The following CTNNA2 variants were observed in gnomAD, a reference collection of about 807,000 sequenced individuals.
The protein encoded by CTNNA2 is catenin alpha-2.
In CTNNA2, 42 loss-of-function variants were observed where a neutral mutation model predicts 101.0. The observed-to-expected ratio is 0.42, with a 90% CI of 0.32 to 0.54. The LOEUF is 0.54. CTNNA2 is among the 20% of genes least tolerant of loss of function. CTNNA2 has a pLI of 0.14. For synonymous variants in CTNNA2, 450 were observed against 456.4 expected (o/e 0.99, Z 0.18); for missense variants, 871 against 1,223.1 (o/e 0.71, Z 4.29).
intron 3 of CTNNA2, among the ~76,000 whole-genome samples, chr2:79,855,944 A>C (rs1482339668): frequency 6.6e-6 from 1 of 152,216 alleles, no homozygotes; most frequent in Non-Finnish European, 1.5e-5. Context: ...CTCCCACCAC[A>C]CAGATATTTG....
At chr2:79,234,319 G>A (rs1432516321) in intron 2 of CTNNA2, among the ~76,000 whole-genome samples, 1 of 152,062 alleles carries the variant, frequency 6.6e-6, no homozygotes, top group East Asian at 1.9e-4. Context: ...AGGTATGATA[G>A]TCTTGGTTGA....
chr2:79,637,474 C>A (rs567354402), intron 1 of CTNNA2, among the ~76,000 whole-genome samples: 1 of 152,190 alleles, frequency 6.6e-6, no homozygotes, highest in East Asian at 1.9e-4. Context: ...GGCTGATGCC[C>A]ACATGTATTG....
intron 4 of CTNNA2, among the ~76,000 whole-genome samples, chr2:79,497,771 A>G (rs1671274685): frequency 1.3e-5 from 2 of 152,316 alleles, no homozygotes; most frequent in South Asian, 4.1e-4. Context: ...CGTCTAAGCA[A>G]TGTCTCTTTT....
At chr2:79,597,667 G>A (rs1288902991) in intron 1 of CTNNA2, among the ~76,000 whole-genome samples, 1 of 151,980 alleles carries the variant, frequency 6.6e-6, no homozygotes. Context: ...CAGAGAAATT[G>A]AGCAGAAATT....
chr2:79,753,017 C>A (rs1370372204), intron 3 of CTNNA2, among the ~76,000 whole-genome samples: 2 of 152,000 alleles, frequency 1.3e-5, no homozygotes, highest in Admixed American at 6.6e-5. Context: ...GAAATGATCT[C>A]GATTATTTTG....
intron 7 of CTNNA2, among the ~76,000 whole-genome samples, chr2:79,927,753 T>C (rs1420822182): frequency 6.6e-6 from 1 of 152,212 alleles, no homozygotes; most frequent in African/African-American, 2.4e-5. Flanking sequence ...CTGTTGCTTA[T>C]TGTATTCACA....
At chr2:80,234,447 A>C (rs1438445820) in intron 7 of CTNNA2, among the ~76,000 whole-genome samples, 1 of 152,208 alleles carries the variant, frequency 6.6e-6, no homozygotes, top group African/African-American at 2.4e-5. Context: ...GCTTTAGTTA[A>C]TATTTCACTA....
chr2:80,040,740 T>A (rs1205707887), intron 7 of CTNNA2, among the ~76,000 whole-genome samples: 1 of 152,186 alleles, frequency 6.6e-6, no homozygotes, highest in Non-Finnish European at 1.5e-5. Flanking sequence ...TTCCCTAGGC[T>A]ACGAAGATTT....
At chr2:80,215,089 C>A (rs1427512620) in intron 7 of CTNNA2, among the ~76,000 whole-genome samples, 1 of 152,120 alleles carries the variant, frequency 6.6e-6, no homozygotes, top group Non-Finnish European at 1.5e-5. Context: ...AGTTCTCGTG[C>A]CATGGTTTTC....
chr2:80,401,834 A>G (rs141444711), intron 8 of CTNNA2, among the ~76,000 whole-genome samples: 1 of 151,820 alleles, frequency 6.6e-6, no homozygotes, highest in Non-Finnish European at 1.5e-5. Flanking sequence ...CACTCTCCAT[A>G]GCACACATTA....
At chr2:80,531,080 G>A (rs1320947235) in intron 9 of CTNNA2, among the ~76,000 whole-genome samples, 2 of 152,174 alleles carry the variant, frequency 1.3e-5, no homozygotes, top group Non-Finnish European at 2.9e-5. Context: ...TGAGGGCAGG[G>A]AGGGAGCTGT....
At chr2:79,292,608 T>C (rs1286958185) in intron 2 of CTNNA2, among the ~76,000 whole-genome samples, 1 of 152,158 alleles carries the variant, frequency 6.6e-6, no homozygotes, top group Non-Finnish European at 1.5e-5. Flanking sequence ...GTACCCCATT[T>C]CCCAGGGAAG....
chr2:80,021,108 C>G (rs1454714764), intron 7 of CTNNA2, among the ~76,000 whole-genome samples: 2 of 150,994 alleles, frequency 1.3e-5, no homozygotes, highest in African/African-American at 4.9e-5. Flanking sequence ...CAACCTCCAC[C>G]TCCAGGACTC....
intron 9 of CTNNA2, among the ~76,000 whole-genome samples, chr2:80,442,204 G>A (rs1156277155): frequency 5.3e-5 from 8 of 152,072 alleles, no homozygotes; most frequent in Non-Finnish European, 7.4e-5. Flanking sequence ...TCCCCTTTAG[G>A]CCACCCTTTT....
intron 9 of CTNNA2, among the ~76,000 whole-genome samples, chr2:80,455,659 A>T (rs1683911326): frequency 6.6e-6 from 1 of 152,190 alleles, no homozygotes; most frequent in Non-Finnish European, 1.5e-5. Context: ...AGAAAATAAT[A>T]TGATAAATTA....
At chr2:80,104,980 T>C (rs983915450) in intron 7 of CTNNA2, among the ~76,000 whole-genome samples, 3 of 152,202 alleles carry the variant, frequency 2.0e-5, no homozygotes, top group African/African-American at 4.8e-5. Context: ...GAATGGATGA[T>C]GGTAAACTTG....
At chr2:80,002,542 C>A (rs886576173) in intron 7 of CTNNA2, among the ~76,000 whole-genome samples, 35 of 151,760 alleles carry the variant, frequency 2.3e-4, no homozygotes, top group Admixed American at 2.6e-4. Flanking sequence ...TAATTCTGAA[C>A]CTGAGGTTGT....
intron 4 of CTNNA2, among the ~76,000 whole-genome samples, chr2:79,490,657 T>C (rs1671199912): frequency 6.6e-6 from 1 of 152,150 alleles, no homozygotes; most frequent in South Asian, 2.1e-4. Context: ...CAATGAATGG[T>C]TATTGAAATG....
intron 7 of CTNNA2, among the ~76,000 whole-genome samples, chr2:80,198,964 C>T (rs1023766619): frequency 9.9e-5 from 15 of 151,964 alleles, no homozygotes; most frequent in South Asian, 2.1e-4. Flanking sequence ...GGGCATATCA[C>T]GAGGTCAAGA....
Sources: allele counts gnomAD v4.1 joint callset (sites outside exome capture counted in the v4.1 genomes callset), GRCh38; gene constraint gnomAD v4.1.1; transcripts MANE v1.5; gene names NCBI Gene and HGNC (gene_info 2026-07-23, HGNC 2026-07-21).